The following C8orf34 variants were observed in gnomAD, a reference collection of about 807,000 sequenced individuals.
The protein encoded by C8orf34 is uncharacterized protein C8orf34.
C8orf34 carries 65 observed loss-of-function variants against 68.3 expected under a neutral mutation model. The ratio of observed to expected loss-of-function variants is 0.95; its 90% CI spans 0.78 to 1.17. The LOEUF is 1.17. Ranked by LOEUF, C8orf34 falls within the 50% of genes most tolerant of loss-of-function variation. The pLI, the probability that C8orf34 is intolerant of heterozygous loss-of-function variation, is 0.00. For missense variants in C8orf34, 664 were observed against 655.4 expected, an observed-to-expected ratio of 1.01 and a Z score of -0.14; for synonymous variants, 244 against 241.2, an observed-to-expected ratio of 1.01 and a Z score of -0.11.
At chr8:68,400,767 C>G (rs1241562401) in intron 1 of C8orf34, among the ~76,000 whole-genome samples, 3 of 152,164 alleles carry the variant, frequency 2.0e-5, no homozygotes, top group African/African-American at 7.2e-5. Flanking sequence ...GTTTTGGTTA[C>G]TATACCCTTG....
chr8:68,663,852 AT>A (rs1339421199), intron 8 of C8orf34, among the ~76,000 whole-genome samples: 1 of 152,230 alleles, frequency 6.6e-6, no homozygotes, highest in East Asian at 1.9e-4. Context: ...AAAATTCATA[AT>A]GCTCACTGCA....
chr8:68,334,563 A>G (rs1345998342), intron 1 of C8orf34, among the ~76,000 whole-genome samples: 1 of 152,086 alleles, frequency 6.6e-6, no homozygotes, highest in Non-Finnish European at 1.5e-5. Context: ...GGGCAGTTAT[A>G]TATCTTGGTT....
chr8:68,594,927 T>C (rs950821560), intron 7 of C8orf34, among the ~76,000 whole-genome samples: 8 of 152,006 alleles, frequency 5.3e-5, no homozygotes, highest in Admixed American at 1.3e-4. Context: ...GGTTTAAAAT[T>C]TACAGATTTA....
chr8:68,646,912 T>A (rs1406011142), intron 8 of C8orf34, among the ~76,000 whole-genome samples: 1 of 152,214 alleles, frequency 6.6e-6, no homozygotes, highest in African/African-American at 2.4e-5. Context: ...TTATGAATAA[T>A]GCTGCAATGA....
chr8:68,695,235 C>T (rs1175679687), intron 8 of C8orf34, among the ~76,000 whole-genome samples: 3 of 151,878 alleles, frequency 2.0e-5, no homozygotes, highest in East Asian at 3.9e-4. Flanking sequence ...CAACCTCTGC[C>T]TCCTGGATTC....
At chr8:68,645,025 G>A (rs1239761049) in intron 8 of C8orf34, among the ~76,000 whole-genome samples, 2 of 152,170 alleles carry the variant, frequency 1.3e-5, no homozygotes, top group African/African-American at 4.8e-5. Context: ...TGGTGCAGAT[G>A]AGTAAGACAG....
At chr8:68,693,597 G>C in intron 8 of C8orf34, among the ~76,000 whole-genome samples, 1 of 152,084 alleles carries the variant, frequency 6.6e-6, no homozygotes, top group East Asian at 1.9e-4. Context: ...ATTTAATTAT[G>C]CTGGAGACTA....
At chr8:68,491,735 T>C (rs555625593) in intron 5 of C8orf34, among the ~76,000 whole-genome samples, 1 of 152,356 alleles carries the variant, frequency 6.6e-6, no homozygotes, top group African/African-American at 2.4e-5. Context: ...TATAGAAATG[T>C]AAATATTAAT....
At chr8:68,521,650 C>T in intron 5 of C8orf34, 149 bp from the exon 6 acceptor site, 1 of 621,322 alleles carries the variant, frequency 1.6e-6, no homozygotes. Flanking sequence ...AACAAGCTAT[C>T]TAGTAGAGTT....
At chr8:68,485,781 T>TA (rs1317380497) in intron 4 of C8orf34, among the ~76,000 whole-genome samples, 5 of 151,544 alleles carry the variant, frequency 3.3e-5, no homozygotes, top group African/African-American at 4.8e-5. Context: ...TAAGAGAGTT[T>TA]AAAAAATCCC....
chr8:68,554,085 T>C (rs1816173832), intron 7 of C8orf34, among the ~76,000 whole-genome samples: 2 of 152,130 alleles, frequency 1.3e-5, no homozygotes, highest in South Asian at 2.1e-4. Context: ...AAAAATCCAA[T>C]AAAAATATCT....
intron 2 of C8orf34, among the ~76,000 whole-genome samples, chr8:68,446,067 C>T (rs891024158): frequency 3.3e-5 from 5 of 152,162 alleles, no homozygotes. Context: ...GGATTACAGG[C>T]ATGAACCACT....
At chr8:68,497,263 T>A (rs1813563744) in intron 5 of C8orf34, among the ~76,000 whole-genome samples, 1 of 152,268 alleles carries the variant, frequency 6.6e-6, no homozygotes, top group Admixed American at 6.5e-5. Context: ...TCCTCTTAAC[T>A]ACATAAAAAG....
chr8:68,575,906 A>G (rs1816887017), intron 7 of C8orf34, among the ~76,000 whole-genome samples: 1 of 146,262 alleles, frequency 6.8e-6, no homozygotes, highest in South Asian at 2.2e-4. Context: ...GAATCATAAT[A>G]TATGCTTACT....
intron 1 of C8orf34, among the ~76,000 whole-genome samples, chr8:68,410,231 G>C (rs527525445): frequency 1.1e-4 from 17 of 152,238 alleles, no homozygotes; most frequent in Non-Finnish European, 1.9e-4. Context: ...GGTGAGTTGG[G>C]TAGAGAGGTT....
chr8:68,439,393 T>C, intron 1 of C8orf34, 106 bp from the exon 2 acceptor site: 1 of 989,932 alleles, frequency 1.0e-6, no homozygotes, highest in Non-Finnish European at 1.5e-6. Context: ...TTGCTGTATA[T>C]AAAGCAGTTA....
chr8:68,524,186 A>G (rs1230581946), intron 6 of C8orf34, among the ~76,000 whole-genome samples: 1 of 152,222 alleles, frequency 6.6e-6, no homozygotes, highest in African/African-American at 2.4e-5. Context: ...CATGCAGAAT[A>G]ATAGATACAT....
chr8:68,816,082 AT>A, intron 13 of C8orf34, 137 bp downstream of exon 13: 1 of 1,361,300 alleles, frequency 7.3e-7, no homozygotes, highest in East Asian at 2.5e-5. Flanking sequence ...AGTATCCTGC[AT>A]AAGATTATAA....
chr8:68,460,852 G>A (rs373352476), intron 3 of C8orf34, among the ~76,000 whole-genome samples: 4 of 152,272 alleles, frequency 2.6e-5, no homozygotes, highest in South Asian at 2.1e-4. Context: ...AAAAAACAGA[G>A]CAGAAAAACT....
Sources: allele counts gnomAD v4.1 joint callset (sites outside exome capture counted in the v4.1 genomes callset), GRCh38; gene constraint gnomAD v4.1.1; transcripts MANE v1.5; gene names NCBI Gene and HGNC (gene_info 2026-07-23, HGNC 2026-07-21).